The following PTPN14 variants were observed in gnomAD, a reference collection of about 807,000 sequenced individuals.
PTPN14 encodes tyrosine-protein phosphatase non-receptor type 14.
Under a neutral mutation model 126.8 loss-of-function variants are expected in PTPN14, and 53 were observed. The observed-to-expected ratio is 0.42, with a 90% confidence interval of 0.34 to 0.53. The LOEUF (loss-of-function observed/expected upper bound fraction) is 0.53. Among genes scored for constraint, PTPN14 ranks in the 20% least tolerant of loss-of-function variants. The probability of loss-of-function intolerance (pLI) is 0.08; values close to 1 mark genes in which losing one functional copy is unlikely to be tolerated. For synonymous variants in PTPN14, 630 were observed against 599.3 expected (o/e 1.05, Z -0.75); for missense variants, 1,257 against 1,552.9 (o/e 0.81, Z 3.20).
intron 3 of PTPN14, among the ~76,000 whole-genome samples, chr1:214,436,715 A>T (rs1659925345): frequency 6.8e-6 from 1 of 146,234 alleles, no homozygotes; most frequent in Non-Finnish European, 1.5e-5. Context: ...TGAACCCGGG[A>T]GGCGGAGGTT....
chr1:214,515,304 A>G (rs1218169431), intron 1 of PTPN14, among the ~76,000 whole-genome samples: 1 of 152,084 alleles, frequency 6.6e-6, no homozygotes, highest in African/African-American at 2.4e-5. Context: ...TCCACTAGGC[A>G]CTTATTTTTT....
At chr1:214,382,262 G>A (rs1032539984) in intron 13 of PTPN14, among the ~76,000 whole-genome samples, 8 of 152,122 alleles carry the variant, frequency 5.3e-5, no homozygotes, top group Non-Finnish European at 8.8e-5. Context: ...GATTCACTTC[G>A]TTGTTCTATA....
chr1:214,433,953 A>ACACAC (rs1558100354), intron 3 of PTPN14, among the ~76,000 whole-genome samples: 41 of 11,548 alleles, frequency 3.6e-3, no homozygotes, highest in Admixed American at 0.016. Flanking sequence ...CACACACACA[A>ACACAC]AAAAAAAAAA....
intron 1 of PTPN14, among the ~76,000 whole-genome samples, chr1:214,478,542 GA>G (rs34423266): frequency 6.6e-6 from 1 of 150,736 alleles, no homozygotes; most frequent in African/African-American, 2.4e-5. Context: ...ATTGTATTTG[GA>G]AAAAAAACAA....
intron 1 of PTPN14, among the ~76,000 whole-genome samples, chr1:214,544,756 G>A (rs755889695): frequency 7.4e-5 from 11 of 149,308 alleles, no homozygotes; most frequent in Admixed American, 6.7e-5. Context: ...ATCTCAAAAC[G>A]AGAAAGAAAA....
intron 7 of PTPN14, among the ~76,000 whole-genome samples, chr1:214,399,442 G>A (rs1658966380): frequency 6.6e-6 from 1 of 152,134 alleles, no homozygotes; most frequent in Admixed American, 6.5e-5. Context: ...ATCTATTGAT[G>A]TCTTTTATTT....
At chr1:214,524,156 A>G (rs1171580864) in intron 1 of PTPN14, among the ~76,000 whole-genome samples, 5 of 151,846 alleles carry the variant, frequency 3.3e-5, no homozygotes, top group Admixed American at 6.6e-5. Context: ...GGCTGACTAG[A>G]TTCTATAGTA....
chr1:214,545,174 CAAA>C (rs1393008781), intron 1 of PTPN14, among the ~76,000 whole-genome samples: 5 of 152,132 alleles, frequency 3.3e-5, no homozygotes, highest in African/African-American at 1.2e-4. Context: ...AATTTGAGAT[CAAA>C]AACCCTTTCT....
chr1:214,362,762 G>A (rs1571950349), intron 18 of PTPN14, among the ~76,000 whole-genome samples: 1 of 152,232 alleles, frequency 6.6e-6, no homozygotes, highest in East Asian at 1.9e-4. Flanking sequence ...CATCAACTCA[G>A]GAGACCGAGG....
rs375220888 is a variant in PTPN14, at chr1:214,383,686, C to A, written c.2169G>T (p.Gln723His). 5 of 1,613,366 alleles carry A rather than the reference C, an allele frequency of 3.1e-6. No individual in the cohort carries two copies. The East Asian group carries it at 1.1e-4, about 36-fold the overall frequency. The change falls in exon 13 of 19, where the codon CAG (glutamine) becomes CAT (histidine). Residue 723 changes from glutamine to histidine, a missense_variant. Gln to His is a conservative substitution (Grantham distance 24). Around this residue, in one of 3 missense-constraint regions of PTPN14, gnomAD observed 1,021 missense variants for 1,183.3 expected, o/e 0.86. Transcript: ENST00000366956. The surrounding 1 kb of genome is among the most constrained non-coding windows in gnomAD (Gnocchi z 4.4). ...EEEEAPESVP[Q>H]IPMLREKMEY... ...CCATCTTCTCCCGGAGCATGGGGAT[C>A]TGGGGCACCGATTCTGGAGCCTCCT...
chr1:214,427,996 C>A lies in PTPN14; in HGVS notation c.345-13270G>T, dbSNP rs573764574. 2.7e-3 allele frequency among the ~76,000 whole-genome samples: 417 copies of A among 152,252 alleles called. 5 individuals carry two copies. Among genetic ancestry groups the A allele is most frequent in the African/African-American group, 9.5e-3 (395 of 41,538 alleles). On this transcript the variant is annotated intron_variant, in intron 3 of 18. Coordinates refer to ENST00000366956, the MANE Select transcript of PTPN14 (RefSeq NM_005401.5). Reference sequence around the variant, plus strand: ...AAGTGGTACAAACCACAAAAGGCCTCGCAGGGCACGGTAAGGGTTCTGACG... The same window carrying A: ...AAGTGGTACAAACCACAAAAGGCCTAGCAGGGCACGGTAAGGGTTCTGACG...
chr1:214,367,114 C>T (rs549161014), intron 17 of PTPN14, among the ~76,000 whole-genome samples: 3 of 152,292 alleles, frequency 2.0e-5, no homozygotes, highest in African/African-American at 7.2e-5. Flanking sequence ...GTTAGCCAAT[C>T]AACAAACTGA....
intron 3 of PTPN14, among the ~76,000 whole-genome samples, chr1:214,445,865 T>C (rs141629728): frequency 1.3e-5 from 2 of 152,242 alleles, no homozygotes; most frequent in African/African-American, 4.8e-5. Flanking sequence ...TCCAGAAAAA[T>C]GTGAAAACCA....
chr1:214,380,142 CT>C (rs201495799), intron 13 of PTPN14, among the ~76,000 whole-genome samples: 4 of 151,622 alleles, frequency 2.6e-5, no homozygotes, highest in South Asian at 4.2e-4. Context: ...GTTTTTCTTT[CT>C]TTTTTTTTAT....
At chr1:214,515,263 A>C (rs1655070887) in intron 1 of PTPN14, among the ~76,000 whole-genome samples, 1 of 152,224 alleles carries the variant, frequency 6.6e-6, no homozygotes, top group South Asian at 2.1e-4. Context: ...TTTGGGAGAA[A>C]AAATACTCTT....
At chr1:214,521,191 T>A (rs1655245641) in intron 1 of PTPN14, among the ~76,000 whole-genome samples, 1 of 152,234 alleles carries the variant, frequency 6.6e-6, no homozygotes, top group Admixed American at 6.5e-5. Context: ...CCACATGGCA[T>A]GTTAATCGCT....
chr1:214,517,781 T>TA (rs1655146100), intron 1 of PTPN14, among the ~76,000 whole-genome samples: 1 of 151,874 alleles, frequency 6.6e-6, no homozygotes, highest in Non-Finnish European at 1.5e-5. Context: ...TGTGTCTCTA[T>TA]AAAAAATACA....
intron 14 of PTPN14, 115 bp downstream of exon 14, chr1:214,377,844 G>C (rs564081892): frequency 7.8e-7 from 1 of 1,283,098 alleles, no homozygotes; most frequent in Non-Finnish European, 1.1e-6. Context: ...CCTAATCTCA[G>C]ATTGAAGAAA....
chr1:214,376,222 G>A lies in PTPN14; in HGVS notation c.2904C>T (p.Ile968=), dbSNP rs1471705546. Residue 968 remains isoleucine (I), a synonymous_variant, in exon 15 of 19, where the codon ATC becomes ATT. Coordinates refer to ENST00000366956, the MANE Select transcript of PTPN14 (RefSeq NM_005401.5). The part of the protein sequence containing the change: ...NNTGYINASH[I]KVVVGGAEWH... ...TCTAACAGGCTTGCCTTCTTACCTT[G>A]ATGTGGGAGGCATTAATGTATCCTG... 6.2e-7 allele frequency: 1 copy of A among 1,612,386 alleles called. No individual in the cohort carries two copies. Among genetic ancestry groups the A allele is most frequent in the Non-Finnish European group, 8.5e-7 (1 of 1,178,638 alleles).
Sources: allele counts gnomAD v4.1 joint callset (sites outside exome capture counted in the v4.1 genomes callset), GRCh38; gene constraint gnomAD v4.1.1; regional missense constraint gnomAD v4.1.1; non-coding constraint Gnocchi (gnomAD v3.1); transcripts MANE v1.5; gene names NCBI Gene and HGNC (gene_info 2026-07-23, HGNC 2026-07-21).